MGMT: variants seen among roughly 807,000 people sequenced by gnomAD.
MGMT encodes the protein O-6-methylguanine-DNA methyltransferase, also known as methylated-DNA--protein-cysteine methyltransferase.
In MGMT, 14 loss-of-function variants were observed where a neutral mutation model predicts 15.9. That is an observed-to-expected ratio of 0.88 (90% confidence interval 0.58 to 1.37). The LOEUF (loss-of-function observed/expected upper bound fraction) is 1.37, where lower values mean the gene tolerates loss of function less well. Ranked by LOEUF, MGMT falls within the 40% of genes most tolerant of loss-of-function variation. The pLI is 0.00. For missense variants in MGMT, 282 were observed against 268.1 expected, an observed-to-expected ratio of 1.05 and a Z score of -0.36; for synonymous variants, 130 against 118.2, an observed-to-expected ratio of 1.10 and a Z score of -0.65.
intron 3 of MGMT, among the ~76,000 whole-genome samples, chr10:129,756,601 C>G (rs1445827508): frequency 2.0e-5 from 3 of 152,216 alleles, no homozygotes; most frequent in Non-Finnish European, 2.9e-5. Flanking sequence ...TCCCGAGTAG[C>G]TGGGACTGCA....
At chr10:129,512,543 T>C (rs4751093) in intron 1 of MGMT, among the ~76,000 whole-genome samples, 152,028 of 152,174 alleles carry the variant, frequency 1, 75,942 homozygotes, top group Middle Eastern at 1. Context: ...AGGAATGGAC[T>C]GTGTCTCATT....
intron 1 of MGMT, among the ~76,000 whole-genome samples, chr10:129,502,003 G>T (rs1845579281): frequency 1.3e-5 from 2 of 152,242 alleles, no homozygotes; most frequent in Non-Finnish European, 2.9e-5. Context: ...TACTGGGACA[G>T]CTGTGGGATG....
chr10:129,718,368 A>G (rs1848324267), intron 3 of MGMT, among the ~76,000 whole-genome samples: 1 of 152,176 alleles, frequency 6.6e-6, no homozygotes, highest in Non-Finnish European at 1.5e-5. Context: ...AGGAAAACCA[A>G]GGGGACTAGA....
At chr10:129,707,768 G>C in intron 2 of MGMT, 127 bp from the exon 3 acceptor site, 1 of 1,279,778 alleles carries the variant, frequency 7.8e-7, no homozygotes, top group Non-Finnish European at 1.1e-6. Flanking sequence ...TGCACAGCTA[G>C]TTGAGACGTG....
At chr10:129,549,724 T>G (rs1846135198) in intron 2 of MGMT, among the ~76,000 whole-genome samples, 1 of 152,176 alleles carries the variant, frequency 6.6e-6, no homozygotes, top group Non-Finnish European at 1.5e-5. Context: ...GAGTATGACT[T>G]TGGTGGTGAA....
intron 2 of MGMT, among the ~76,000 whole-genome samples, chr10:129,631,474 AT>A (rs1243058253): frequency 5.9e-5 from 9 of 152,212 alleles, no homozygotes; most frequent in African/African-American, 2.2e-4. Flanking sequence ...TGGTTTTATA[AT>A]TTTTTGAGAT....
rs1847520244 is a variant in MGMT at position 129,655,907 on chromosome 10, G to A, written c.126-51988G>A. Among the ~76,000 whole-genome samples the A allele has an allele frequency of 2.0e-5, 3 of 152,154 alleles. No homozygotes were observed. The South Asian group carries it at 6.2e-4, about 32-fold the overall frequency. On this transcript the variant is annotated intron_variant, in intron 2 of 4. Transcript: ENST00000651593. ...ACTGATTTTGCACTGAAAGAACGTG[G>A]ATGAGAAGTTCCACGTGTTTAAATA...
At chr10:129,536,426 C>G in intron 2 of MGMT, 49 bp downstream of exon 2, 1 of 1,586,882 alleles carries the variant, frequency 6.3e-7, no homozygotes, top group Non-Finnish European at 8.6e-7. Flanking sequence ...CTGAAGCAAC[C>G]GAGGAGTATA....
intron 4 of MGMT, among the ~76,000 whole-genome samples, chr10:129,760,440 T>C (rs752992502): frequency 2.6e-5 from 4 of 152,228 alleles, no homozygotes; most frequent in Non-Finnish European, 5.9e-5. Context: ...AGCACAAATA[T>C]GATCACTCCA....
chr10:129,683,820 C>T (rs1421363143), intron 2 of MGMT, among the ~76,000 whole-genome samples: 2 of 152,188 alleles, frequency 1.3e-5, no homozygotes, highest in African/African-American at 4.8e-5. Flanking sequence ...GGAGATTTTA[C>T]ATCTAATCAT....
intron 2 of MGMT, among the ~76,000 whole-genome samples, chr10:129,612,731 G>A (rs1846976066): frequency 6.6e-6 from 1 of 152,220 alleles, no homozygotes; most frequent in Non-Finnish European, 1.5e-5. Flanking sequence ...TTGATAGGAT[G>A]TTACAGGTGG....
chr10:129,594,970 G>A (rs1846733946), intron 2 of MGMT, among the ~76,000 whole-genome samples: 2 of 152,178 alleles, frequency 1.3e-5, no homozygotes, highest in South Asian at 4.2e-4. Context: ...CCTTGACTGG[G>A]GAGAGGGGAG....
At chr10:129,604,434 C>T (rs1293693831) in intron 2 of MGMT, among the ~76,000 whole-genome samples, 3 of 152,212 alleles carry the variant, frequency 2.0e-5, no homozygotes, top group Non-Finnish European at 4.4e-5. Flanking sequence ...GCCCTGGCTC[C>T]AGAGGACTTT....
At chr10:129,490,169 C>T (rs1845454520) in intron 1 of MGMT, among the ~76,000 whole-genome samples, 1 of 151,986 alleles carries the variant, frequency 6.6e-6, no homozygotes, top group African/African-American at 2.4e-5. Context: ...GAAACTATTT[C>T]AGAGCTGAAG....
At chr10:129,625,842 G>A (rs1847142069) in intron 2 of MGMT, among the ~76,000 whole-genome samples, 1 of 152,176 alleles carries the variant, frequency 6.6e-6, no homozygotes, top group Admixed American at 6.5e-5. Flanking sequence ...GAGTTTTCAA[G>A]TGCTCTACCT....
At chr10:129,477,925 G>A (rs1845313730) in intron 1 of MGMT, among the ~76,000 whole-genome samples, 1 of 152,208 alleles carries the variant, frequency 6.6e-6, no homozygotes, top group Non-Finnish European at 1.5e-5. Flanking sequence ...CTCAGGTTTA[G>A]CTCTTGGCAT....
At chr10:129,734,403 T>C (rs1247201967) in intron 3 of MGMT, among the ~76,000 whole-genome samples, 4 of 149,288 alleles carry the variant, frequency 2.7e-5, no homozygotes, top group African/African-American at 9.7e-5. Context: ...TTTTTGTACA[T>C]TGATTTTGTA....
chr10:129,621,313 C>G (rs1033347717), intron 2 of MGMT, among the ~76,000 whole-genome samples: 1 of 152,148 alleles, frequency 6.6e-6, no homozygotes, highest in African/African-American at 2.4e-5. Context: ...CCCATGTACA[C>G]GGCCATTGAT....
At chr10:129,526,798 G>T (rs1371379755) in intron 1 of MGMT, among the ~76,000 whole-genome samples, 2 of 152,212 alleles carry the variant, frequency 1.3e-5, no homozygotes, top group African/African-American at 2.4e-5. Flanking sequence ...CCTGGAAAAC[G>T]ACTACCAGTA....
Sources: gnomAD v4.1 joint callset for allele counts (sites outside exome capture counted in the v4.1 genomes callset) on GRCh38, gnomAD v4.1.1 for gene constraint, MANE v1.5 for transcripts, NCBI Gene and HGNC (gene_info 2026-07-23, HGNC 2026-07-21) for gene names.